The following FTO variants were observed in gnomAD, a reference collection of about 807,000 sequenced individuals.
The protein encoded by FTO is alpha-ketoglutarate-dependent dioxygenase FTO.
A neutral mutation model predicts 63.9 loss-of-function variants in FTO; 47 were observed. The ratio of observed to expected loss-of-function variants is 0.74; its 90% CI spans 0.58 to 0.94. FTO has a LOEUF of 0.94. FTO is among the 40% of genes least tolerant of loss of function. The pLI is 0.00. For missense variants in FTO, 562 were observed against 618.1 expected, an observed-to-expected ratio of 0.91 and a Z score of 0.96; for synonymous variants, 207 against 224.4, an observed-to-expected ratio of 0.92 and a Z score of 0.69.
intron 4 of FTO, among the ~76,000 whole-genome samples, 170 bp downstream of exon 4, chr16:53,844,468 T>G (rs2151819551): frequency 6.6e-6 from 1 of 152,316 alleles, no homozygotes; most frequent in South Asian, 2.1e-4. Context: ...GAGATATTGC[T>G]GATTTTTTGA....
At chr16:53,931,871 AACACACAC>A (rs35135177) in intron 7 of FTO, among the ~76,000 whole-genome samples, 103 of 145,796 alleles carry the variant, frequency 7.1e-4, no homozygotes, top group African/African-American at 2.2e-3. Context: ...TTTTACATTA[AACACACAC>A]ACACACACAC....
intron 8 of FTO, among the ~76,000 whole-genome samples, chr16:54,029,657 T>A (rs1345208308): frequency 6.6e-6 from 1 of 152,224 alleles, no homozygotes; most frequent in Admixed American, 6.5e-5. Flanking sequence ...ACTCTGTTAC[T>A]GGTTTTAAAA....
chr16:53,863,753 C>T (rs1189609527), intron 4 of FTO, among the ~76,000 whole-genome samples: 1 of 152,180 alleles, frequency 6.6e-6, no homozygotes. Flanking sequence ...CTTCTCTTGC[C>T]CTCCTGCTCT....
intron 3 of FTO, among the ~76,000 whole-genome samples, chr16:53,841,238 A>T (rs909405667): frequency 6.6e-6 from 1 of 151,366 alleles, no homozygotes; most frequent in Non-Finnish European, 1.5e-5. Flanking sequence ...AGCCGCAACC[A>T]GCCAATCAGT....
intron 8 of FTO, among the ~76,000 whole-genome samples, chr16:54,034,635 T>C (rs1371455969): frequency 6.6e-6 from 1 of 152,172 alleles, no homozygotes; most frequent in East Asian, 1.9e-4. Flanking sequence ...GTAATAGAGC[T>C]GTTCTCCTAG....
chr16:54,061,822 C>G (rs1331032391), intron 8 of FTO: 3 of 152,158 alleles, frequency 2.0e-5, no homozygotes, highest in African/African-American at 7.2e-5. Flanking sequence ...CTCTACTGAC[C>G]TTGACTTTGG....
At chr16:53,768,433 G>A (rs1227044758) in intron 1 of FTO, among the ~76,000 whole-genome samples, 2 of 152,136 alleles carry the variant, frequency 1.3e-5, no homozygotes, top group Admixed American at 1.3e-4. Flanking sequence ...TGGTCAATTC[G>A]GCCTCCAGGG....
chr16:53,805,825 A>C (rs2078349851), intron 1 of FTO, among the ~76,000 whole-genome samples: 3 of 152,258 alleles, frequency 2.0e-5, no homozygotes, highest in Admixed American at 6.5e-5. Context: ...GCCTGTGTGC[A>C]GGGGTCTTCA....
At chr16:54,060,593 A>G (rs2085546017) in intron 8 of FTO, among the ~76,000 whole-genome samples, 1 of 152,212 alleles carries the variant, frequency 6.6e-6, no homozygotes. Context: ...CTTAAACACT[A>G]TTCTATAGAC....
intron 8 of FTO, chr16:53,985,020 G>T: frequency 1.8e-5 from 8 of 455,226 alleles, no homozygotes; most frequent in Non-Finnish European, 3.5e-5. Flanking sequence ...GTGAAGTTTA[G>T]TTTAAAACCT....
At chr16:53,869,467 C>T (rs1420417288) in intron 4 of FTO, among the ~76,000 whole-genome samples, 1 of 150,494 alleles carries the variant, frequency 6.6e-6, no homozygotes, top group Non-Finnish European at 1.5e-5. Flanking sequence ...TTCTTCTGTT[C>T]CTTTCCCTCT....
intron 1 of FTO, among the ~76,000 whole-genome samples, chr16:53,717,741 G>C (rs925763047): frequency 1.3e-5 from 2 of 151,934 alleles, no homozygotes; most frequent in Non-Finnish European, 2.9e-5. Flanking sequence ...TTATGGTATG[G>C]AGTAGATGTG....
intron 8 of FTO, among the ~76,000 whole-genome samples, chr16:54,056,430 C>T (rs1271736222): frequency 4.6e-5 from 7 of 152,210 alleles, no homozygotes; most frequent in African/African-American, 1.7e-4. Context: ...AGATGGCCCC[C>T]AGTGAGCCCC....
At chr16:53,713,716 A>C (rs1170318262) in intron 1 of FTO, among the ~76,000 whole-genome samples, 1 of 152,210 alleles carries the variant, frequency 6.6e-6, no homozygotes, top group Admixed American at 6.5e-5. Context: ...ATTTAAAAAA[A>C]TGTATTTTAT....
intron 1 of FTO, among the ~76,000 whole-genome samples, chr16:53,704,733 A>T (rs1971907765): frequency 6.6e-6 from 1 of 152,228 alleles, no homozygotes; most frequent in Non-Finnish European, 1.5e-5. Context: ...TTTGATGTTC[A>T]GCTTCTGGTA....
chr16:53,935,036 A>T (rs554319806), intron 8 of FTO, among the ~76,000 whole-genome samples: 22 of 152,314 alleles, frequency 1.4e-4, no homozygotes, highest in Admixed American at 9.2e-4. Context: ...ATGTGGTCCT[A>T]TTCTGTTTTG....
intron 4 of FTO, among the ~76,000 whole-genome samples, chr16:53,869,054 A>G (rs2151869218): frequency 6.6e-6 from 1 of 152,158 alleles, no homozygotes; most frequent in African/African-American, 2.4e-5. Context: ...CTGGTCTTGA[A>G]CTACTGACCT....
chr16:53,802,175 A>C (rs1598700976), intron 1 of FTO, among the ~76,000 whole-genome samples: 1 of 152,300 alleles, frequency 6.6e-6, no homozygotes, highest in East Asian at 1.9e-4. Flanking sequence ...ATGGATTCTC[A>C]AGTCACTTAT....
chr16:53,777,081 A>C (rs2077476534), intron 1 of FTO, among the ~76,000 whole-genome samples: 1 of 152,164 alleles, frequency 6.6e-6, no homozygotes, highest in Admixed American at 6.5e-5. Flanking sequence ...AGAATACTTA[A>C]AATCTACTAT....
Sources: gnomAD v4.1 joint callset for allele counts (sites outside exome capture counted in the v4.1 genomes callset) on GRCh38, gnomAD v4.1.1 for gene constraint, MANE v1.5 for transcripts, NCBI Gene and HGNC (gene_info 2026-07-23, HGNC 2026-07-21) for gene names.